TEX10: variants seen among roughly 807,000 people sequenced by gnomAD.
TEX10 encodes testis-expressed protein 10.
TEX10 carries 24 observed loss-of-function variants against 104.4 expected under a neutral mutation model. The ratio of observed to expected loss-of-function variants is 0.23; its 90% CI spans 0.17 to 0.32. TEX10 has a LOEUF of 0.32. TEX10 is among the 10% of genes least tolerant of loss of function. The probability of loss-of-function intolerance (pLI) is 1.00; values close to 1 mark genes in which losing one functional copy is unlikely to be tolerated. For missense variants in TEX10, 921 were observed against 1,083.9 expected, an observed-to-expected ratio of 0.85 and a Z score of 2.11; for synonymous variants, 396 against 393.4, an observed-to-expected ratio of 1.01 and a Z score of -0.08.
Position 100,302,263 on chromosome 9 carries a change from G to A in TEX10, c.2718C>T (p.Asp906=). The A allele has an allele frequency of 6.2e-7, 1 of 1,613,836 alleles. No individual in the cohort carries two copies. Among genetic ancestry groups the A allele is most frequent in the Middle Eastern group, 1.7e-4 (1 of 6,060 alleles). Reference sequence around the variant, plus strand: ...TATACACGTTGAAGCAGTAATGTAAGTCTGTGAGCCACTGTTCCTGAACAC... The same window carrying A: ...TATACACGTTGAAGCAGTAATGTAAATCTGTGAGCCACTGTTCCTGAACAC... ...SGSVQEQWLT[D]LHYCFNVYIT... Residue 906 remains aspartate, a synonymous_variant, in exon 15 of 15, where the codon GAC becomes GAT. Transcript: ENST00000374902.
intron 11 of TEX10, among the ~76,000 whole-genome samples, chr9:100,317,966 A>C (rs1239166394): frequency 2.6e-5 from 4 of 152,104 alleles, no homozygotes; most frequent in African/African-American, 9.7e-5. Context: ...TATTAAGAAG[A>C]CAAAAAAAAC....
chr9:100,314,809 T>C (rs151048099), intron 11 of TEX10, among the ~76,000 whole-genome samples: 10 of 152,342 alleles, frequency 6.6e-5, no homozygotes, highest in African/African-American at 2.2e-4. Flanking sequence ...AACGTTAGGT[T>C]GCTGATTAGT....
At chr9:100,352,456 G>A (rs752519333) in intron 1 of TEX10, 26 of 1,551,618 alleles carry the variant, frequency 1.7e-5, no homozygotes, top group Non-Finnish European at 2.2e-5. Flanking sequence ...CCTACTCCAA[G>A]GGACGCCGGC....
chr9:100,341,927 G>A (rs1813146015), intron 4 of TEX10, among the ~76,000 whole-genome samples: 1 of 152,122 alleles, frequency 6.6e-6, no homozygotes, highest in South Asian at 2.1e-4. Flanking sequence ...CCACTCCTCT[G>A]CTCAAAACCC....
intron 11 of TEX10, among the ~76,000 whole-genome samples, chr9:100,312,796 C>G (rs1834312268): frequency 6.6e-6 from 1 of 152,062 alleles, no homozygotes; most frequent in Non-Finnish European, 1.5e-5. Context: ...TAAAAGCAAG[C>G]TGAAAACCTA....
chr9:100,302,382 C>T, intron 14 of TEX10, 78 bp from the exon 15 acceptor site: 1 of 966,574 alleles, frequency 1.0e-6, no homozygotes, highest in Non-Finnish European at 1.6e-6. Flanking sequence ...CACACCCAAA[C>T]ACAATTTCCC....
At chr9:100,312,355 TGA>T (rs916486498) in intron 11 of TEX10, among the ~76,000 whole-genome samples, 9 of 152,008 alleles carry the variant, frequency 5.9e-5, no homozygotes, top group East Asian at 5.8e-4. Context: ...TGGAGTGAGA[TGA>T]GAGGGGTGGC....
chr9:100,309,977 C>A (rs1484863725), intron 12 of TEX10, among the ~76,000 whole-genome samples: 1 of 152,140 alleles, frequency 6.6e-6, no homozygotes, highest in East Asian at 1.9e-4. Context: ...ATGTTGAATT[C>A]TCAATACAAT....
At chr9:100,306,306 C>T (rs1834143415) in intron 13 of TEX10, 1 of 152,094 alleles carries the variant, frequency 6.6e-6, no homozygotes, top group African/African-American at 2.4e-5. Context: ...AAAACTGAAT[C>T]TTCACATTAC....
chr9:100,331,547 G>C (rs1390358442), intron 5 of TEX10, among the ~76,000 whole-genome samples: 1 of 152,228 alleles, frequency 6.6e-6, no homozygotes, highest in Non-Finnish European at 1.5e-5. Context: ...GGGCACAGTA[G>C]TGAGGAACCA....
chr9:100,348,902 C>A (rs1440269339), intron 2 of TEX10, among the ~76,000 whole-genome samples: 1 of 152,024 alleles, frequency 6.6e-6, no homozygotes, highest in East Asian at 1.9e-4. Flanking sequence ...AAGAGTGAGA[C>A]CTGTCTCAAA....
chr9:100,341,519 C>A (rs79592926), intron 4 of TEX10, among the ~76,000 whole-genome samples: 4 of 48,660 alleles, frequency 8.2e-5, no homozygotes, highest in East Asian at 0.013. Flanking sequence ...TGGCATCATC[C>A]TTGACTCCTC....
intron 9 of TEX10, among the ~76,000 whole-genome samples, chr9:100,325,780 C>T (rs1352349455): frequency 3.3e-5 from 5 of 152,088 alleles, no homozygotes; most frequent in Admixed American, 1.3e-4. Context: ...CTGCCCACCT[C>T]GGCCTCCCAA....
intron 4 of TEX10, among the ~76,000 whole-genome samples, chr9:100,343,038 A>G (rs1835211959): frequency 6.6e-6 from 1 of 151,752 alleles, no homozygotes. Flanking sequence ...AGTCCCAGAT[A>G]CTTGGGAGGC....
chr9:100,330,544 G>A (rs114506724), intron 5 of TEX10, among the ~76,000 whole-genome samples: 1 of 152,314 alleles, frequency 6.6e-6, no homozygotes, highest in Non-Finnish European at 1.5e-5. Context: ...TCTTGGCTCT[G>A]CTTTTAACTA....
At chr9:100,304,431 C>T (rs760997121) in intron 13 of TEX10, 1 of 153,666 alleles carries the variant, frequency 6.5e-6, no homozygotes, top group African/African-American at 2.4e-5. Flanking sequence ...CACATACCTA[C>T]AACTATCTCA....
chr9:100,308,225 TAATAA>T (rs5899405), intron 13 of TEX10, among the ~76,000 whole-genome samples: 68,211 of 151,410 alleles, frequency 0.45, 16,931 homozygotes, highest in East Asian at 0.89. Context: ...ATAGCAATGT[TAATAA>T]AAGAAACCTC....
intron 4 of TEX10, among the ~76,000 whole-genome samples, chr9:100,341,960 T>G (rs1259513746): frequency 6.6e-6 from 1 of 152,190 alleles, no homozygotes; most frequent in African/African-American, 2.4e-5. Flanking sequence ...TTCGCCACAC[T>G]CAGGTTAAAA....
chr9:100,316,182 C>T (rs6479009), intron 11 of TEX10, among the ~76,000 whole-genome samples: 92,088 of 152,024 alleles, frequency 0.61, 29,380 homozygotes, highest in East Asian at 0.89. Context: ...TATACCATGA[C>T]GCAGGTTTCT....
Sources: gnomAD v4.1 joint callset for allele counts (sites outside exome capture counted in the v4.1 genomes callset) on GRCh38, gnomAD v4.1.1 for gene constraint, MANE v1.5 for transcripts, NCBI Gene and HGNC (gene_info 2026-07-23, HGNC 2026-07-21) for gene names.